Variants in ANXA2 observed in about 807,000 individuals in gnomAD.
ANXA2 encodes the protein annexin II.
Under a neutral mutation model 47.3 loss-of-function variants are expected in ANXA2, and 28 were observed. The observed-to-expected ratio is 0.59, with a 90% CI of 0.44 to 0.81. The LOEUF (loss-of-function observed/expected upper bound fraction) is 0.81, where lower values mean the gene tolerates loss of function less well. Among genes scored for constraint, ANXA2 ranks in the 40% least tolerant of loss-of-function variants. The pLI is 0.00. For synonymous variants in ANXA2, 172 were observed against 155.5 expected, an observed-to-expected ratio of 1.11 and a Z score of -0.79; for missense variants, 384 against 414.3, an observed-to-expected ratio of 0.93 and a Z score of 0.64.
intron 3 of ANXA2, 78 bp downstream of exon 3, chr15:60,382,264 G>T (rs891837729): frequency 9.9e-6 from 11 of 1,113,326 alleles, no homozygotes; most frequent in Non-Finnish European, 1.5e-5. Flanking sequence ...AACGTATGGC[G>T]ATTTGAGGGA....
chr15:60,383,907 T>C (rs2062898905), intron 2 of ANXA2: 1 of 152,230 alleles, frequency 6.6e-6, no homozygotes, highest in African/African-American at 2.4e-5. Context: ...CTAAGATGCC[T>C]TCCTATATCT....
chr15:60,380,548 A>G (rs1158194469), intron 3 of ANXA2, among the ~76,000 whole-genome samples: 4 of 151,212 alleles, frequency 2.6e-5, no homozygotes, highest in African/African-American at 2.4e-5. Context: ...TCATACCTGT[A>G]CTCCCAGCAC....
Position 60,351,216 on chromosome 15 carries a change from C to T in ANXA2, c.814G>A (p.Asp272Asn). ...CIQNKPLYFA[D>N]RLYDSMKGKG... ...ACCTTCATGGAGTCATACAGCCGAT[C>T]AGCAAAATACAGGGGCTTGTTCTGA... is the stretch of plus-strand genomic sequence containing the variant. The change falls in exon 11 of 13, where the codon GAT becomes AAT. Residue 272 changes from aspartate (D) to asparagine (N), a missense_variant. Coordinates refer to ENST00000451270, the MANE Select transcript of ANXA2 (RefSeq NM_004039.3). 1 of 1,614,170 alleles carries T rather than the reference C, an allele frequency of 6.2e-7. No homozygotes were observed. The highest frequency in any genetic ancestry group is 8.5e-7 in the Non-Finnish European group (1 of 1,180,038).
chr15:60,359,827 C>T (rs16942508), intron 5 of ANXA2, among the ~76,000 whole-genome samples: 2,174 of 152,316 alleles, frequency 0.014, 47 homozygotes, highest in African/African-American at 0.05. Flanking sequence ...TCATCTACAG[C>T]GCAGACTTTA....
chr15:60,347,511 T>C lies in ANXA2; in HGVS notation c.*119A>G. 2 of 923,120 alleles carry C rather than the reference T, an allele frequency of 2.2e-6. No individual in the cohort carries two copies. The highest frequency in any genetic ancestry group is 1.7e-6 in the Non-Finnish European group (1 of 580,538). 57.2% of individuals were successfully genotyped at this position (923,120 alleles called of 1,614,324 possible). On this transcript the variant is annotated 3_prime_UTR_variant, in exon 13 of 13. Coordinates refer to ENST00000451270, the MANE Select transcript of ANXA2 (RefSeq NM_004039.3). ...GCAACTAAAATGAGGTTGGGGGTAATGCTAACGTCACCCTCACAGGGATGG... is the reference window on the plus strand; with the variant it reads ...GCAACTAAAATGAGGTTGGGGGTAACGCTAACGTCACCCTCACAGGGATGG...
chr15:60,357,273 G>A, intron 5 of ANXA2, 37 bp from the exon 6 acceptor site: 1 of 1,558,658 alleles, frequency 6.4e-7, no homozygotes, highest in Non-Finnish European at 8.8e-7. Context: ...GCAGGGAAAT[G>A]CTTCCCCACC....
Position 60,354,190 on chromosome 15 carries a change from A to G in ANXA2, c.552T>C (p.Ser184=). The G allele has an allele frequency of 6.2e-7, 1 of 1,613,878 alleles. No homozygotes were observed. The highest frequency in any genetic ancestry group is 1.1e-5 in the South Asian group (1 of 91,058). ...LAKGRRAEDG[S]VIDYELIDQD... ...GGTCAATCAGTTCATAATCAATGAC[A>G]GAGCCATCCTCTGCTCTTCTACCCT... The change falls in exon 8 of 13, where the codon TCT becomes TCC. Residue 184 remains serine, a synonymous_variant. Coordinates refer to ENST00000451270, the MANE Select transcript of ANXA2 (RefSeq NM_004039.3).
At chr15:60,366,065 G>T (rs2140850250) in intron 3 of ANXA2, among the ~76,000 whole-genome samples, 1 of 132,730 alleles carries the variant, frequency 7.5e-6, no homozygotes, top group South Asian at 2.6e-4. Context: ...TGGCCGGGCT[G>T]GTCTCCAGCT....
chr15:60,353,336 T>A (rs1461758382), intron 8 of ANXA2, among the ~76,000 whole-genome samples: 3 of 152,114 alleles, frequency 2.0e-5, no homozygotes, highest in African/African-American at 4.8e-5. Context: ...TCTGCTGGCC[T>A]CCCTTTCTCC....
Position 60,374,518 on chromosome 15 carries a change from T to TG in ANXA2, c.148+7823dup, listed in dbSNP as rs201986550. 13 of 456,064 alleles carry TG rather than the reference T, an allele frequency of 2.9e-5. No homozygotes were observed. The East Asian group carries it at 9.0e-4, about 32-fold the overall frequency. The allele number at this position is 456,064 out of a possible 1,614,324, so 28.3% of individuals were successfully genotyped here. A position where few individuals can be genotyped will look rare whatever the true frequency, so the allele number is the denominator to read the frequency against. On this transcript the variant is annotated intron_variant, in intron 3 of 12. Transcript: ENST00000451270. ...AGAATCTGGTTACTGCCATTGTCCC[T>TG]GGGTGAAACTGGTATTTGGATTTCC...
rs1164192610 is a variant in ANXA2 at position 60,363,760 on chromosome 15, C to T, written c.243+669G>A. Among the ~76,000 whole-genome samples, 3 of 152,222 alleles carry T rather than the reference C, an allele frequency of 2.0e-5. No homozygotes were observed. In the East Asian group the frequency reaches 5.8e-4, roughly 29 times the overall value. Reference sequence around the variant, plus strand: ...AAATGAACTAACAACTAAGCCCACTCGTTGCAAAAAGCTTAAGAATTCAAG... The same window carrying T: ...AAATGAACTAACAACTAAGCCCACTTGTTGCAAAAAGCTTAAGAATTCAAG... On this transcript the variant is annotated intron_variant, in intron 4 of 12. Transcript: ENST00000451270.
At position 60,364,403 on chromosome 15, in the gene ANXA2, C is replaced by G. The variant is rs773527140; in HGVS notation, c.243+26G>C. ...GGAAACAAAAATTCAACAAGAAATG[C>G]CCTCCATCCCTGGAATTGCCTGTAC... On this transcript the variant is annotated intron_variant, in intron 4 of 12. Transcript: ENST00000451270. 2.5e-6 allele frequency: 4 copies of G among 1,575,686 alleles called. No homozygotes were observed. In the South Asian group the frequency reaches 4.5e-5, roughly 18 times the overall value.
chr15:60,352,906 G>A lies in ANXA2; in HGVS notation c.589-430C>T, dbSNP rs763704879. On this transcript the variant is annotated intron_variant, in intron 8 of 12. Transcript: ENST00000451270. The surrounding 1 kb of genome is among the most constrained non-coding windows in gnomAD (Gnocchi z 4.2). ...CTCAAGCTTCTCAGAGACTCAGGGA[G>A]TGATGGAGCTGGAAAAGGAGCCCAT... is the stretch of plus-strand genomic sequence containing the variant. Among the ~76,000 whole-genome samples the A allele has an allele frequency of 2.6e-5, 4 of 152,176 alleles. No homozygotes were observed. The highest frequency in any genetic ancestry group is 1.3e-4 in the Admixed American group (2 of 15,276).
At chr15:60,379,348 TG>T (rs1431097483) in intron 3 of ANXA2, among the ~76,000 whole-genome samples, 3 of 151,756 alleles carry the variant, frequency 2.0e-5, no homozygotes, top group African/African-American at 7.3e-5. Context: ...ACATTAAGTC[TG>T]GGGGAAAAAA....
chr15:60,359,843 G>A lies in ANXA2; in HGVS notation c.357+1098C>T, dbSNP rs533187137. 9.2e-5 allele frequency among the ~76,000 whole-genome samples: 14 copies of A among 152,348 alleles called. No individual in the cohort carries two copies. The South Asian group carries it at 2.5e-3, about 27-fold the overall frequency. ...CATCTACAGCGCAGACTTTACCCAT[G>A]TATATCAGCAGAGGGCAGTGTCGGA... On this transcript the variant is annotated intron_variant, in intron 5 of 12. Coordinates refer to ENST00000451270, the MANE Select transcript of ANXA2 (RefSeq NM_004039.3).
rs762903198 is a variant in ANXA2, at chr15:60,361,052, T to C, written c.246A>G (p.Glu82=). 8 of 1,605,514 alleles carry C rather than the reference T, an allele frequency of 5.0e-6. No homozygotes were observed. In the East Asian group the frequency reaches 1.8e-4, roughly 36 times the overall value. ...AGGCTGACTTCAGTGCTGATGCAAG[T>C]TCCTTCAAGATAACAGGCAATCATA... ...AFAYQRRTKK[E]LASALKSALS... Residue 82 remains glutamate, a splice_region_variant and synonymous_variant, in exon 5 of 13, where the codon GAA becomes GAG. Transcript: ENST00000451270.
chr15:60,351,160 G>C (rs755285129), intron 11 of ANXA2, 33 bp downstream of exon 11: 1 of 1,609,400 alleles, frequency 6.2e-7, no homozygotes, highest in South Asian at 1.1e-5. Flanking sequence ...AGCTGAGTGT[G>C]GAAACACAGC....
chr15:60,373,240 A>G lies in ANXA2; in HGVS notation c.149-8717T>C, dbSNP rs186143554. ...CACTTACATTTGGTAATCTGTAGAT[A>G]ATGATTTGCCACCTGGTAATAATGC... On this transcript the variant is annotated intron_variant, in intron 3 of 12. Coordinates refer to ENST00000451270, the MANE Select transcript of ANXA2 (RefSeq NM_004039.3). Among the ~76,000 whole-genome samples, 7 of 152,328 alleles carry G rather than the reference A, an allele frequency of 4.6e-5. No homozygotes were observed. The East Asian group carries it at 1.4e-3, about 29-fold the overall frequency.
intron 4 of ANXA2, chr15:60,362,675 C>A (rs2062533439): frequency 6.6e-6 from 1 of 152,148 alleles, no homozygotes; most frequent in Non-Finnish European, 1.5e-5. Flanking sequence ...TTGAAACTAT[C>A]TCAAGTAGTT....
Sources: allele counts gnomAD v4.1 joint callset (sites outside exome capture counted in the v4.1 genomes callset), GRCh38; gene constraint gnomAD v4.1.1; non-coding constraint Gnocchi (gnomAD v3.1); transcripts MANE v1.5; gene names NCBI Gene and HGNC (gene_info 2026-07-23, HGNC 2026-07-21).